Variants in ATP2C2 observed in about 807,000 individuals in gnomAD.
The protein encoded by ATP2C2 is calcium-transporting ATPase type 2C member 2.
In ATP2C2, 171 loss-of-function variants were observed where a neutral mutation model predicts 110.8. The observed-to-expected ratio is 1.54, with a 90% CI of 1.36 to 1.75. The LOEUF (loss-of-function observed/expected upper bound fraction) is 1.75, where lower values mean the gene tolerates loss of function less well. Ranked by LOEUF, ATP2C2 falls within the 40% of genes most tolerant of loss-of-function variation. The pLI is 0.00. For missense variants in ATP2C2, 1,963 were observed against 1,235.0 expected, an observed-to-expected ratio of 1.59 and a Z score of -8.84; for synonymous variants, 804 against 508.4, an observed-to-expected ratio of 1.58 and a Z score of -7.82.
chr16:84,400,946 T>G (rs995749191), intron 2 of ATP2C2, among the ~76,000 whole-genome samples: 1 of 152,234 alleles, frequency 6.6e-6, no homozygotes, highest in Non-Finnish European at 1.5e-5. Flanking sequence ...TTGTTTGAGC[T>G]CTTTATACAT....
chr16:84,419,017 T>C (rs1448756793), intron 7 of ATP2C2, among the ~76,000 whole-genome samples: 5 of 151,902 alleles, frequency 3.3e-5, no homozygotes, highest in African/African-American at 1.2e-4. Flanking sequence ...GAGACCAGCC[T>C]GGCCAACATG....
At chr16:84,458,545 GTTC>G (rs139017526) in intron 21 of ATP2C2, among the ~76,000 whole-genome samples, 3,196 of 151,796 alleles carry the variant, frequency 0.021, 114 homozygotes, top group African/African-American at 0.074. Context: ...CAGCTCTATA[GTTC>G]TTTTCAAAAT....
intron 11 of ATP2C2, among the ~76,000 whole-genome samples, chr16:84,435,489 G>A (rs986607265): frequency 2.0e-5 from 3 of 152,156 alleles, no homozygotes; most frequent in African/African-American, 7.2e-5. Context: ...AATATTTACT[G>A]TATACCTCCT....
chr16:84,385,993 A>C (rs1391417759), intron 1 of ATP2C2, among the ~76,000 whole-genome samples: 1 of 152,184 alleles, frequency 6.6e-6, no homozygotes, highest in Non-Finnish European at 1.5e-5. Context: ...TCATTGTCTT[A>C]ATTTGGCCAA....
intron 2 of ATP2C2, chr16:84,404,829 T>TTTAA: frequency 2.3e-5 from 7 of 305,710 alleles, no homozygotes; most frequent in South Asian, 8.5e-5. Context: ...TTTTTTTTTT[T>TTTAA]AAGAAGAAAA....
chr16:84,442,767 GC>G lies in ATP2C2; in HGVS notation c.1401+169del, dbSNP rs1909391450. 2.0e-5 allele frequency among the ~76,000 whole-genome samples: 3 copies of G among 152,262 alleles called. No individual in the cohort carries two copies. The South Asian group carries it at 6.2e-4, about 32-fold the overall frequency. ...CATCTGTTGGTGGTGGAGGAGGTGA[GC>G]TCTGAGATTCCACGGGACTTCAGCA... is the stretch of plus-strand genomic sequence containing the variant. On this transcript the variant is annotated intron_variant, in intron 15 of 26. Transcript: ENST00000262429.
chr16:84,390,692 G>T (rs180816958), intron 1 of ATP2C2, among the ~76,000 whole-genome samples: 1 of 152,134 alleles, frequency 6.6e-6, no homozygotes, highest in Admixed American at 6.5e-5. Context: ...AAGTGTTTGG[G>T]GATGAGCTCC....
chr16:84,439,154 C>G lies in ATP2C2; in HGVS notation c.987-12C>G, dbSNP rs373098892. 1.2e-4 allele frequency: 192 copies of G among 1,611,952 alleles called. No individual in the cohort carries two copies. The highest frequency in any genetic ancestry group is 1.6e-4 in the Non-Finnish European group (184 of 1,179,966). On this transcript the variant is annotated splice_polypyrimidine_tract_variant and intron_variant, in intron 11 of 26. Coordinates refer to ENST00000262429, the MANE Select transcript of ATP2C2 (RefSeq NM_014861.4). ...ATGTGTTAGAGGGGACTCATTTGAC[C>G]TTTCGATCCAGCCTGGCTGTGGCGG...
intron 11 of ATP2C2, among the ~76,000 whole-genome samples, chr16:84,434,157 C>T (rs534389192): frequency 6.6e-6 from 1 of 152,016 alleles, no homozygotes; most frequent in Non-Finnish European, 1.5e-5. Flanking sequence ...GTGGCTCATG[C>T]CTGTAACCCC....
chr16:84,452,185 T>C (rs2150583274), intron 18 of ATP2C2, 94 bp downstream of exon 18: 1 of 1,471,280 alleles, frequency 6.8e-7, no homozygotes, highest in East Asian at 2.3e-5. Flanking sequence ...GCAAACTCGG[T>C]CAGGAGTGCT....
At chr16:84,392,374 G>A (rs541700581) in intron 1 of ATP2C2, among the ~76,000 whole-genome samples, 2 of 152,212 alleles carry the variant, frequency 1.3e-5, no homozygotes, top group South Asian at 2.1e-4. Context: ...ACTGCTTCAC[G>A]CTGGTTTATT....
chr16:84,401,488 A>G (rs1447857314), intron 2 of ATP2C2, among the ~76,000 whole-genome samples: 2 of 151,554 alleles, frequency 1.3e-5, no homozygotes, highest in South Asian at 2.1e-4. Context: ...TCTTTAATTC[A>G]TTTTTATTTG....
At chr16:84,455,818 T>C (rs553677120) in intron 21 of ATP2C2, among the ~76,000 whole-genome samples, 1 of 149,724 alleles carries the variant, frequency 6.7e-6, no homozygotes, top group African/African-American at 2.5e-5. Context: ...ACCTAATTTA[T>C]TGAGAGTTTT....
intron 1 of ATP2C2, among the ~76,000 whole-genome samples, chr16:84,389,495 G>A (rs971191112): frequency 6.6e-5 from 10 of 152,164 alleles, no homozygotes; most frequent in East Asian, 1.9e-4. Context: ...TGTCCCATGC[G>A]GTACTCGTGT....
At position 84,425,731 on chromosome 16, in the gene ATP2C2, C is replaced by G; in HGVS notation, c.920-4C>G. ...AGATAAGGATGTTTTTGTCTCTTCCCCAGGTCTCATCATGCTCATTGGCTG... is the reference window on the plus strand; with the variant it reads ...AGATAAGGATGTTTTTGTCTCTTCCGCAGGTCTCATCATGCTCATTGGCTG... On this transcript the variant is annotated splice_polypyrimidine_tract_variant and splice_region_variant and intron_variant, in intron 10 of 26. Coordinates refer to ENST00000262429, the MANE Select transcript of ATP2C2 (RefSeq NM_014861.4). The G allele has an allele frequency of 1.2e-6, 2 of 1,614,012 alleles. No individual in the cohort carries two copies. Among genetic ancestry groups the G allele is most frequent in the Non-Finnish European group, 1.7e-6 (2 of 1,179,954 alleles).
rs1169975253 is a variant in ATP2C2, at chr16:84,459,312, C to G, written c.2259C>G (p.Phe753Leu). 6.2e-7 allele frequency: 1 copy of G among 1,614,190 alleles called. No homozygotes were observed. The highest frequency in any genetic ancestry group is 8.5e-7 in the Non-Finnish European group (1 of 1,180,028). Residue 753 changes from phenylalanine to leucine, a missense_variant, in exon 23 of 27, where the codon TTC becomes TTG. By Grantham distance (22) the Phe-to-Leu change is conservative. Transcript: ENST00000262429. ...ALSLITLSTV[F>L]NLPSPLNAMQ... ...GTCTCATCACTCTGTCCACCGTGTT[C>G]AACCTGCCCAGCCCCCTCAACGCCA...
At chr16:84,461,638 C>T in intron 24 of ATP2C2, 76 bp from the exon 25 acceptor site, 2 of 1,328,554 alleles carry the variant, frequency 1.5e-6, no homozygotes, top group Non-Finnish European at 2.2e-6. Flanking sequence ...AGCAGTGAGG[C>T]AGGCCTGTGC....
chr16:84,453,289 T>G, intron 19 of ATP2C2, 32 bp from the exon 20 acceptor site: 1 of 1,614,156 alleles, frequency 6.2e-7, no homozygotes. Context: ...CTTTGAAATC[T>G]GATTCTTCGT....
chr16:84,446,611 T>C (rs2150575423), intron 16 of ATP2C2, among the ~76,000 whole-genome samples, 181 bp downstream of exon 16: 1 of 152,336 alleles, frequency 6.6e-6, no homozygotes, highest in Non-Finnish European at 1.5e-5. Flanking sequence ...GCTTCTGGCT[T>C]TTTGTTTAAA....
Sources: gnomAD v4.1 joint callset for allele counts (sites outside exome capture counted in the v4.1 genomes callset) on GRCh38, gnomAD v4.1.1 for gene constraint, MANE v1.5 for transcripts, NCBI Gene and HGNC (gene_info 2026-07-23, HGNC 2026-07-21) for gene names.